ADARB2: variants seen among roughly 807,000 people sequenced by gnomAD.
The protein encoded by ADARB2 is adenosine deaminase RNA specific B2 (inactive), also known as inactive double-stranded RNA-specific editase B2.
Under a neutral mutation model 62.2 loss-of-function variants are expected in ADARB2, and 25 were observed. That is an observed-to-expected ratio of 0.40 (90% CI 0.29 to 0.56). The LOEUF is 0.56. ADARB2 is among the 20% of genes least tolerant of loss of function. ADARB2 has a pLI of 0.43. For synonymous variants in ADARB2, 572 were observed against 500.8 expected, an observed-to-expected ratio of 1.14 and a Z score of -1.90; for missense variants, 1,071 against 1,077.4, an observed-to-expected ratio of 0.99 and a Z score of 0.08.
chr10:1,702,238 C>T lies in ADARB2; in HGVS notation c.100+34813G>A, dbSNP rs184163441. Among the ~76,000 whole-genome samples, 9 of 152,362 alleles carry T rather than the reference C, an allele frequency of 5.9e-5. No homozygotes were observed. In the East Asian group the frequency reaches 1.7e-3, roughly 29 times the overall value. Reference sequence around the variant, plus strand: ...TACAGACTTAAGTATGAGAACAACTCATCATTGTAGCACTCTGTATAAAAG... The same window carrying T: ...TACAGACTTAAGTATGAGAACAACTTATCATTGTAGCACTCTGTATAAAAG... On this transcript the variant is annotated intron_variant, in intron 1 of 9. Coordinates refer to ENST00000381312, the MANE Select transcript of ADARB2 (RefSeq NM_018702.4).
chr10:1,430,764 A>G (rs779574769), intron 1 of ADARB2, among the ~76,000 whole-genome samples: 22 of 152,158 alleles, frequency 1.4e-4, no homozygotes, highest in Admixed American at 3.9e-4. Flanking sequence ...AGGAGTGTCT[A>G]TATGAAATTA....
chr10:1,493,006 C>T (rs977720794), intron 1 of ADARB2, among the ~76,000 whole-genome samples: 7 of 152,208 alleles, frequency 4.6e-5, no homozygotes, highest in African/African-American at 1.2e-4. Context: ...GACTTTAAAA[C>T]CCTAAAAGGG....
At chr10:1,465,890 T>G (rs957355050) in intron 1 of ADARB2, among the ~76,000 whole-genome samples, 1 of 152,246 alleles carries the variant, frequency 6.6e-6, no homozygotes, top group Non-Finnish European at 1.5e-5. Context: ...TTTCAGAGTG[T>G]ACTTTTGCTT....
chr10:1,539,444 G>A (rs975500145), intron 1 of ADARB2, among the ~76,000 whole-genome samples: 18 of 152,218 alleles, frequency 1.2e-4, no homozygotes, highest in Non-Finnish European at 2.4e-4. Context: ...GCTACAGAAA[G>A]GGGACATTGG....
chr10:1,591,489 C>T (rs1231588784), intron 1 of ADARB2, among the ~76,000 whole-genome samples: 5 of 152,188 alleles, frequency 3.3e-5, no homozygotes, highest in Non-Finnish European at 5.9e-5. Context: ...CAGGGGTCTT[C>T]ATGGGAGCCC....
At chr10:1,400,563 T>A (rs1832652953) in intron 1 of ADARB2, among the ~76,000 whole-genome samples, 1 of 151,972 alleles carries the variant, frequency 6.6e-6, no homozygotes, top group African/African-American at 2.4e-5. Flanking sequence ...ACTGGTTAAT[T>A]TAGTTTCAGG....
At chr10:1,320,941 C>T (rs1831789410) in intron 3 of ADARB2, among the ~76,000 whole-genome samples, 1 of 152,144 alleles carries the variant, frequency 6.6e-6, no homozygotes, top group Non-Finnish European at 1.5e-5. Context: ...AGATTCAGAG[C>T]CTGTGGCAGC....
chr10:1,304,702 A>G (rs2098806497), intron 3 of ADARB2, among the ~76,000 whole-genome samples: 1 of 149,540 alleles, frequency 6.7e-6, no homozygotes, highest in Non-Finnish European at 1.5e-5. Context: ...CAATCAAACT[A>G]GAACTCAGGA....
chr10:1,344,563 C>A (rs1454590073), intron 3 of ADARB2, among the ~76,000 whole-genome samples: 1 of 152,218 alleles, frequency 6.6e-6, no homozygotes, highest in African/African-American at 2.4e-5. Flanking sequence ...ACCTGACCCG[C>A]CAGGCCGCTG....
chr10:1,232,364 CTGTG>C (rs546957301), intron 6 of ADARB2, among the ~76,000 whole-genome samples: 25 of 150,704 alleles, frequency 1.7e-4, no homozygotes, highest in South Asian at 1.1e-3. Flanking sequence ...TGTGTGTGGT[CTGTG>C]TGTGGTGTGT....
chr10:1,425,288 C>T (rs781236187), intron 1 of ADARB2, among the ~76,000 whole-genome samples: 1 of 152,206 alleles, frequency 6.6e-6, no homozygotes, highest in Non-Finnish European at 1.5e-5. Flanking sequence ...GCCCTATATA[C>T]CACCTGTTTC....
chr10:1,263,631 TG>T (rs1294966030), intron 4 of ADARB2, among the ~76,000 whole-genome samples: 4 of 152,242 alleles, frequency 2.6e-5, no homozygotes, highest in Non-Finnish European at 5.9e-5. Flanking sequence ...TACTAGACCT[TG>T]AGAGTGTAGC....
intron 1 of ADARB2, among the ~76,000 whole-genome samples, chr10:1,661,896 G>C (rs182381045): frequency 3.5e-4 from 54 of 152,316 alleles, no homozygotes; most frequent in South Asian, 1.0e-3. Context: ...CCGCACTGCT[G>C]CTGGGGAGGG....
At chr10:1,509,706 G>A (rs1233770700) in intron 1 of ADARB2, among the ~76,000 whole-genome samples, 1 of 152,226 alleles carries the variant, frequency 6.6e-6, no homozygotes, top group East Asian at 1.9e-4. Flanking sequence ...TTTCTCATTA[G>A]GTCCGTGCAG....
At chr10:1,638,913 C>G (rs936096830) in intron 1 of ADARB2, among the ~76,000 whole-genome samples, 3 of 152,184 alleles carry the variant, frequency 2.0e-5, no homozygotes, top group African/African-American at 7.2e-5. Flanking sequence ...ACAAGTCACA[C>G]AGGTCTTTTT....
rs12573622 is a variant in ADARB2 at position 1,265,833 on chromosome 10, C to T, written c.1192+5122G>A. Among the ~76,000 whole-genome samples, 52 of 133,478 alleles carry T rather than the reference C, an allele frequency of 3.9e-4. No homozygotes were observed. The East Asian group carries it at 0.012, about 30-fold the overall frequency. The allele number at this position is 133,478 out of a possible 152,430, so 87.6% of individuals were successfully genotyped here. A position where few individuals can be genotyped will look rare whatever the true frequency, so the allele number is the denominator to read the frequency against. On this transcript the variant is annotated intron_variant, in intron 4 of 9. Coordinates refer to ENST00000381312, the MANE Select transcript of ADARB2 (RefSeq NM_018702.4). ...CCTGAGAGGGGGGCCCAGGGTCCCC[C>T]GGAAGACGGCCTGAGCCAGGTCCAC... is the stretch of plus-strand genomic sequence containing the variant.
intron 1 of ADARB2, among the ~76,000 whole-genome samples, chr10:1,677,193 C>T (rs994140973): frequency 6.6e-6 from 1 of 152,368 alleles, no homozygotes; most frequent in Non-Finnish European, 1.5e-5. Context: ...CTGTTTCCTT[C>T]CGAAGGCTCA....
chr10:1,390,708 T>C (rs181276173), intron 1 of ADARB2, among the ~76,000 whole-genome samples: 3 of 152,316 alleles, frequency 2.0e-5, no homozygotes, highest in East Asian at 3.9e-4. Context: ...GCCTTAGACA[T>C]TGCAATAAGA....
chr10:1,241,302 C>T (rs1275706669), intron 5 of ADARB2, among the ~76,000 whole-genome samples: 1 of 152,170 alleles, frequency 6.6e-6, no homozygotes, highest in East Asian at 1.9e-4. Context: ...TTGTTTTCAG[C>T]AGCGTCTGCT....
Sources: gnomAD v4.1 joint callset for allele counts (sites outside exome capture counted in the v4.1 genomes callset) on GRCh38, gnomAD v4.1.1 for gene constraint, MANE v1.5 for transcripts, NCBI Gene and HGNC (gene_info 2026-07-23, HGNC 2026-07-21) for gene names.